SNRPD1: variants seen among roughly 807,000 people sequenced by gnomAD.
SNRPD1 encodes the protein small nuclear ribonucleoprotein Sm D1.
In SNRPD1, 1 loss-of-function variant was observed where a neutral mutation model predicts 14.4. The observed-to-expected ratio is 0.07, with a 90% confidence interval of 0.02 to 0.33. The LOEUF (loss-of-function observed/expected upper bound fraction) is 0.33, where lower values mean the gene tolerates loss of function less well. SNRPD1 is among the 10% of genes least tolerant of loss of function. The pLI is 1.00. For missense variants in SNRPD1, 52 were observed against 146.4 expected (o/e 0.36, Z 3.33); for synonymous variants, 42 against 50.3 (o/e 0.83, Z 0.70).
chr18:21,622,902 C>T (rs974461810), intron 2 of SNRPD1, 101 bp downstream of exon 2: 8 of 563,764 alleles, frequency 1.4e-5, no homozygotes, highest in Non-Finnish European at 1.9e-5. Context: ...TAGTACAAAT[C>T]CTTATTTTTT....
chr18:21,612,512 G>T (rs958639535), intron 1 of SNRPD1, 69 bp downstream of exon 1: 8 of 1,251,272 alleles, frequency 6.4e-6, no homozygotes, highest in Non-Finnish European at 8.7e-6. Context: ...GGAAGGCTGG[G>T]CTCTCCCATT....
intron 2 of SNRPD1, among the ~76,000 whole-genome samples, chr18:21,623,323 C>G (rs1483545059): frequency 6.6e-6 from 1 of 152,172 alleles, no homozygotes; most frequent in Non-Finnish European, 1.5e-5. Context: ...GAACTCCTGA[C>G]CTCATGATCC....
intron 1 of SNRPD1, among the ~76,000 whole-genome samples, chr18:21,616,585 T>C (rs1419026740): frequency 3.3e-5 from 5 of 151,740 alleles, no homozygotes; most frequent in African/African-American, 1.2e-4. Flanking sequence ...CTCGAACTCC[T>C]GACCTTGTGA....
Position 21,632,539 on chromosome 18 carries a change from GTAA to G in SNRPD1, c.*3408_*3410del, listed in dbSNP as rs1313029059. The G allele has an allele frequency of 5.3e-5, 8 of 151,106 alleles. No individual in the cohort carries two copies. The highest frequency in any genetic ancestry group is 4.6e-4 in the Admixed American group (7 of 15,104). 9.4% of individuals were successfully genotyped at this position (151,106 alleles called of 1,614,324 possible). ...AAGCCAGTCTAGTAACAGTTTAAATGTAATAATAAATCACAGTGGGTACTAGAT... is the reference window on the plus strand; with the variant it reads ...AAGCCAGTCTAGTAACAGTTTAAATGTAATAAATCACAGTGGGTACTAGAT... On this transcript the variant is annotated 3_prime_UTR_variant, in exon 4 of 4. Coordinates refer to ENST00000300413, the MANE Select transcript of SNRPD1 (RefSeq NM_006938.4).
At chr18:21,628,107 C>T (rs773370335) in intron 3 of SNRPD1, among the ~76,000 whole-genome samples, 8 of 152,212 alleles carry the variant, frequency 5.3e-5, no homozygotes, top group Middle Eastern at 3.4e-3. Flanking sequence ...TGGCCAGGTG[C>T]GGTGGCTCAC....
At chr18:21,626,674 C>G (rs1885579214) in intron 3 of SNRPD1, among the ~76,000 whole-genome samples, 1 of 151,534 alleles carries the variant, frequency 6.6e-6, no homozygotes, top group Non-Finnish European at 1.5e-5. Context: ...ATAATCCCAG[C>G]TACTCGGGAG....
chr18:21,622,332 G>A (rs2039004329), intron 1 of SNRPD1, among the ~76,000 whole-genome samples: 1 of 151,944 alleles, frequency 6.6e-6, no homozygotes, highest in Non-Finnish European at 1.5e-5. Flanking sequence ...AGTAGAGACG[G>A]GGTTTCACCA....
chr18:21,627,759 T>A (rs1228073374), intron 3 of SNRPD1, among the ~76,000 whole-genome samples: 1 of 152,204 alleles, frequency 6.6e-6, no homozygotes, highest in East Asian at 1.9e-4. Flanking sequence ...GTCTAAATGT[T>A]AAAATGTCAT....
Position 21,629,323 on chromosome 18 carries a change from C to A in SNRPD1, c.*185C>A, listed in dbSNP as rs1042213061. 8 of 499,704 alleles carry A rather than the reference C, an allele frequency of 1.6e-5. No individual in the cohort carries two copies. Among genetic ancestry groups the A allele is most frequent in the Non-Finnish European group, 2.9e-5 (8 of 279,022 alleles). The allele number at this position is 499,704 out of a possible 1,614,324, so 31.0% of individuals were successfully genotyped here. A position where few individuals can be genotyped will look rare whatever the true frequency, so the allele number is the denominator to read the frequency against. On this transcript the variant is annotated 3_prime_UTR_variant, in exon 4 of 4. Coordinates refer to ENST00000300413, the MANE Select transcript of SNRPD1 (RefSeq NM_006938.4). ...GTGAGAGCTAAGCATTTCTACTGGG[C>A]AGTTTCATTTTTAGTTGATCAGGTT...
intron 3 of SNRPD1, among the ~76,000 whole-genome samples, chr18:21,625,763 A>G (rs2039033642): frequency 6.6e-6 from 1 of 152,006 alleles, no homozygotes; most frequent in African/African-American, 2.4e-5. Flanking sequence ...GGCGCCTGCA[A>G]CCACGCCCGG....
intron 3 of SNRPD1, among the ~76,000 whole-genome samples, chr18:21,625,852 G>A (rs984381083): frequency 2.6e-5 from 4 of 151,950 alleles, no homozygotes; most frequent in African/African-American, 7.2e-5. Context: ...CTCATGATCC[G>A]CCTGCCTGGG....
At position 21,631,743 on chromosome 18, in the gene SNRPD1, A is replaced by G. The variant is rs2039086624; in HGVS notation, c.*2605A>G. On this transcript the variant is annotated 3_prime_UTR_variant, in exon 4 of 4. Coordinates refer to ENST00000300413, the MANE Select transcript of SNRPD1 (RefSeq NM_006938.4). The stretch of plus-strand genomic sequence containing the variant: ...CGTGCGTCCCCGGCCTATACCTTTC[A>G]TTAATTAATAAGCTGGGGGAATAAA... 1 of 151,938 alleles carries G rather than the reference A, an allele frequency of 6.6e-6. No individual in the cohort carries two copies. Among genetic ancestry groups the G allele is most frequent in the African/African-American group, 2.4e-5 (1 of 41,366 alleles). 9.4% of individuals were successfully genotyped at this position (151,938 alleles called of 1,614,324 possible). A position where few individuals can be genotyped will look rare whatever the true frequency, so the allele number is the denominator to read the frequency against.
At chr18:21,613,415 C>T (rs2038934266) in intron 1 of SNRPD1, among the ~76,000 whole-genome samples, 1 of 152,194 alleles carries the variant, frequency 6.6e-6, no homozygotes, top group South Asian at 2.1e-4. Flanking sequence ...GCACCTGTTA[C>T]ATACTAGGCG....
chr18:21,616,577 C>G (rs183885354), intron 1 of SNRPD1, among the ~76,000 whole-genome samples: 5 of 151,582 alleles, frequency 3.3e-5, no homozygotes, highest in Admixed American at 3.3e-4. Flanking sequence ...AGGCTGGTCT[C>G]GAACTCCTGA....
At position 21,625,692 on chromosome 18, in the gene SNRPD1, G is replaced by A. The variant is rs529777327; in HGVS notation, c.283+1753G>A. Reference sequence around the variant, plus strand: ...GTGGCGCGATCTCGGCTCACTGCAAGCTCCGCTTCCCGGGTTCACACCATT... The same window carrying A: ...GTGGCGCGATCTCGGCTCACTGCAAACTCCGCTTCCCGGGTTCACACCATT... On this transcript the variant is annotated intron_variant, in intron 3 of 3. Transcript: ENST00000300413. 5.9e-5 allele frequency among the ~76,000 whole-genome samples: 9 copies of A among 152,146 alleles called. No homozygotes were observed. In the South Asian group the frequency reaches 1.9e-3, roughly 32 times the overall value.
intron 1 of SNRPD1, among the ~76,000 whole-genome samples, 172 bp downstream of exon 1, chr18:21,612,615 G>T (rs1568122042): frequency 6.6e-6 from 1 of 152,290 alleles, no homozygotes; most frequent in Non-Finnish European, 1.5e-5. Flanking sequence ...TTCCGCCTGG[G>T]TCGCTCGCGG....
chr18:21,617,543 T>C (rs1391050630), intron 1 of SNRPD1, among the ~76,000 whole-genome samples: 1 of 152,210 alleles, frequency 6.6e-6, no homozygotes, highest in African/African-American at 2.4e-5. Context: ...TTTCTGAACA[T>C]TGGCCCTAGG....
chr18:21,622,754 TA>T lies in SNRPD1; in HGVS notation c.46del (p.Thr16ProfsTer4). ...TTGATGAAATTGAGTCATGAAACTG[TA>T]ACCATTGAATTGAAGAACGGAACAC... ...RFLMKLSHET[V>X]TIELKNGTQV... On this transcript the variant is annotated frameshift_variant, in exon 2 of 4. Coordinates refer to ENST00000300413, the MANE Select transcript of SNRPD1 (RefSeq NM_006938.4). LOFTEE classifies it high-confidence loss of function. 6.3e-7 allele frequency: 1 copy of T among 1,578,492 alleles called. No individual in the cohort carries two copies. Among genetic ancestry groups the T allele is most frequent in the Non-Finnish European group, 8.7e-7 (1 of 1,147,726 alleles).
intron 1 of SNRPD1, among the ~76,000 whole-genome samples, chr18:21,618,580 A>G (rs879579906): frequency 6.6e-6 from 1 of 152,130 alleles, no homozygotes; most frequent in Non-Finnish European, 1.5e-5. Context: ...ATGGGAGGAA[A>G]CCATTAGTTC....
Sources: gnomAD v4.1 joint callset for allele counts (sites outside exome capture counted in the v4.1 genomes callset) on GRCh38, gnomAD v4.1.1 for gene constraint, MANE v1.5 for transcripts, NCBI Gene and HGNC (gene_info 2026-07-23, HGNC 2026-07-21) for gene names.